Variants in MAN1B1 observed in about 807,000 individuals in gnomAD.
MAN1B1 encodes the protein mannosidase alpha class 1B member 1, also known as endoplasmic reticulum mannosyl-oligosaccharide 1,2-alpha-mannosidase.
MAN1B1 carries 66 observed loss-of-function variants against 75.5 expected under a neutral mutation model. The observed-to-expected ratio is 0.87, with a 90% confidence interval of 0.72 to 1.07. The LOEUF is 1.07. MAN1B1 is among the 50% of genes least tolerant of loss of function. MAN1B1 has a pLI of 0.00. For synonymous variants in MAN1B1, 453 were observed against 382.8 expected (o/e 1.18, Z -2.14); for missense variants, 973 against 912.5 (o/e 1.07, Z -0.85).
intron 4 of MAN1B1, among the ~76,000 whole-genome samples, chr9:137,096,703 C>T (rs1490736948): frequency 6.6e-6 from 1 of 152,206 alleles, no homozygotes. Flanking sequence ...CTGCCTGGGC[C>T]ACCTCCTTTC....
chr9:137,093,067 C>T (rs544526988), intron 3 of MAN1B1, among the ~76,000 whole-genome samples: 1 of 152,244 alleles, frequency 6.6e-6, no homozygotes, highest in South Asian at 2.1e-4. Flanking sequence ...TATATAGTAG[C>T]AGTAATCAAT....
intron 9 of MAN1B1, 176 bp from the exon 10 acceptor site, chr9:137,106,512 TG>T (rs553995341): frequency 3.6e-5 from 39 of 1,087,486 alleles, no homozygotes; most frequent in Non-Finnish European, 4.4e-5. Context: ...CCGTGGCCTC[TG>T]GGGGGGTGAG....
chr9:137,088,691 C>A, intron 2 of MAN1B1, 178 bp from the exon 3 acceptor site: 1 of 793,184 alleles, frequency 1.3e-6, no homozygotes, highest in Non-Finnish European at 2.0e-6. Flanking sequence ...CACAAACTGC[C>A]AAGTGTTTTG....
At chr9:137,104,409 G>GT (rs2131111633) in intron 8 of MAN1B1, 1 of 290,578 alleles carries the variant, frequency 3.4e-6, no homozygotes, top group African/African-American at 2.2e-5. Context: ...TAATTTTTGT[G>GT]TTTTTATTAG....
chr9:137,097,503 G>A (rs1446152025), intron 4 of MAN1B1, among the ~76,000 whole-genome samples: 1 of 152,206 alleles, frequency 6.6e-6, no homozygotes, highest in Admixed American at 6.5e-5. Flanking sequence ...TAGTGCTCCT[G>A]TTTGGATGAA....
At chr9:137,101,980 T>TG in intron 8 of MAN1B1, 1 of 544,926 alleles carries the variant, frequency 1.8e-6, no homozygotes, top group Middle Eastern at 2.8e-4. Flanking sequence ...CACATGCTGT[T>TG]GCAGGAGTAC....
intron 8 of MAN1B1, chr9:137,102,110 G>A (rs988329442): frequency 1.3e-5 from 6 of 453,148 alleles, no homozygotes; most frequent in Non-Finnish European, 2.2e-5. Flanking sequence ...CGTGCAGGTC[G>A]GTGGTGTTAC....
intron 3 of MAN1B1, among the ~76,000 whole-genome samples, chr9:137,095,032 AC>A (rs1215083860): frequency 6.7e-6 from 1 of 149,272 alleles, no homozygotes; most frequent in East Asian, 2.0e-4. Flanking sequence ...TACTAAAGAT[AC>A]AAAAATTAGC....
chr9:137,093,288 G>T (rs1450988506), intron 3 of MAN1B1, among the ~76,000 whole-genome samples: 1 of 152,192 alleles, frequency 6.6e-6, no homozygotes, highest in East Asian at 1.9e-4. Context: ...CAGCTACTCA[G>T]CAGGCTGAGG....
Position 137,099,815 on chromosome 9 carries a change from T to A in MAN1B1, c.850T>A (p.Trp284Arg), listed in dbSNP as rs773489296. 2 of 1,614,156 alleles carry A rather than the reference T, an allele frequency of 1.2e-6. No homozygotes were observed. Among genetic ancestry groups the A allele is most frequent in the African/African-American group, 1.3e-5 (1 of 75,038 alleles). ...LKPVSRSFSE[W>R]FGLGLTLIDA... ...GCCTGTGTCCAGGTCCTTCAGTGAG[T>A]GGTTTGGCCTCGGTCTCACACTGAT... Residue 284 changes from tryptophan (W) to arginine (R), a missense_variant, in exon 6 of 13, where the codon TGG becomes AGG. Physicochemically the swap from Trp to Arg is moderately radical, Grantham distance 101. Coordinates refer to ENST00000371589, the MANE Select transcript of MAN1B1 (RefSeq NM_016219.5).
In MAN1B1 at chr9:137,106,823, C is replaced by A. The variant is rs201606936; in HGVS notation, c.1566+14C>A. ...AGTGCCAAGATGGTGAGTGTGTCTG[C>A]GGGGCCTTCCGGCCGCCGCCCCTTT... On this transcript the variant is annotated intron_variant, in intron 10 of 12. Coordinates refer to ENST00000371589, the MANE Select transcript of MAN1B1 (RefSeq NM_016219.5). 2.7e-5 allele frequency: 44 copies of A among 1,611,670 alleles called. No individual in the cohort carries two copies. In the Middle Eastern group the frequency reaches 6.6e-4, roughly 24 times the overall value.
intron 3 of MAN1B1, among the ~76,000 whole-genome samples, chr9:137,095,329 G>A (rs1042727858): frequency 1.3e-5 from 2 of 151,592 alleles, no homozygotes; most frequent in Non-Finnish European, 1.5e-5. Context: ...GATTACAGAC[G>A]TGAGCCACCG....
At chr9:137,103,595 C>T (rs764935452) in intron 8 of MAN1B1, 15 of 437,284 alleles carry the variant, frequency 3.4e-5, no homozygotes, top group African/African-American at 4.2e-5. Context: ...GCGTGCGGGT[C>T]GGTGGTGTTA....
At chr9:137,096,527 T>C in intron 4 of MAN1B1, 136 bp downstream of exon 4, 1 of 1,228,666 alleles carries the variant, frequency 8.1e-7, no homozygotes, top group Non-Finnish European at 1.2e-6. Flanking sequence ...CTGTCCTCAT[T>C]AACCTTAGAT....
In MAN1B1 at chr9:137,107,747, TTGG is replaced by T. The variant is rs1206920474; in HGVS notation, c.1896+92_1896+94del. 4 of 1,599,446 alleles carry T rather than the reference TTGG, an allele frequency of 2.5e-6. No homozygotes were observed. In the South Asian group the frequency reaches 3.3e-5, roughly 13 times the overall value. The stretch of plus-strand genomic sequence containing the variant: ...TGTGGGGCTCAGGCTGGCTCCGCTC[TTGG>T]TGGTGGCTGTGACCTGGATCCGGGA... On this transcript the variant is annotated intron_variant, in intron 12 of 12. Coordinates refer to ENST00000371589, the MANE Select transcript of MAN1B1 (RefSeq NM_016219.5).
At position 137,108,837 on chromosome 9, in the gene MAN1B1, A is replaced by C; in HGVS notation, c.*246A>C. 1.5e-6 allele frequency: 1 copy of C among 661,418 alleles called. No individual in the cohort carries two copies. The highest frequency in any genetic ancestry group is 1.5e-5 in the South Asian group (1 of 66,410). 41.0% of individuals were successfully genotyped at this position (661,418 alleles called of 1,614,324 possible). ...CCGCCTGCTTCCTCCAGAAGACACG[A>C]ATCATGACTCACGATTGCTGAAGCC... On this transcript the variant is annotated 3_prime_UTR_variant, in exon 13 of 13. Transcript: ENST00000371589.
intron 9 of MAN1B1, 168 bp downstream of exon 9, chr9:137,106,483 C>T (rs1195286389): frequency 2.0e-5 from 19 of 936,718 alleles, no homozygotes; most frequent in East Asian, 5.3e-5. Context: ...ATGTGGAGGG[C>T]GTATTCATTC....
chr9:137,107,845 T>G (rs1831174823), intron 12 of MAN1B1, 183 bp downstream of exon 12: 1 of 763,358 alleles, frequency 1.3e-6, no homozygotes, highest in Non-Finnish European at 2.2e-6. Context: ...CCATCCCCAC[T>G]GAGCTTCATG....
chr9:137,105,127 G>C (rs1831047729), intron 8 of MAN1B1: 1 of 152,456 alleles, frequency 6.6e-6, no homozygotes, highest in Non-Finnish European at 1.5e-5. Context: ...TGGGATTACA[G>C]GTGTGAGCCA....
Sources: gnomAD v4.1 joint callset for allele counts (sites outside exome capture counted in the v4.1 genomes callset) on GRCh38, gnomAD v4.1.1 for gene constraint, MANE v1.5 for transcripts, NCBI Gene and HGNC (gene_info 2026-07-23, HGNC 2026-07-21) for gene names.